Variants in OR7D4 observed in about 807,000 individuals in gnomAD.
OR7D4 encodes the protein olfactory receptor 7D4.
For missense variants in OR7D4, 319 were observed against 377.1 expected, an observed-to-expected ratio of 0.85 and a Z score of 1.27; for synonymous variants, 154 against 158.4, an observed-to-expected ratio of 0.97 and a Z score of 0.21.
intron 1 of OR7D4, 40 bp from the exon 2 acceptor site, chr19:9,214,890 C>T: frequency 9.6e-7 from 1 of 1,036,414 alleles, no homozygotes; most frequent in Non-Finnish European, 1.4e-6. Context: ...TAATGAACAG[C>T]AAGTGGCAGC....
intron 1 of OR7D4, among the ~76,000 whole-genome samples, chr19:9,217,279 A>G (rs997621767): frequency 6.6e-6 from 1 of 152,238 alleles, no homozygotes; most frequent in Admixed American, 6.5e-5. Flanking sequence ...AATGTGACTG[A>G]TAAGTTTGAT....
In OR7D4 at chr19:9,211,089, G is replaced by C. The variant is rs538848381; in HGVS notation, c.*2810C>G. Reference sequence around the variant, plus strand: ...TTAGAGACCCATGTCCTGGTAGAAGGATAGGCCTGGCCTCTGTTGCTCTGT... The same window carrying C: ...TTAGAGACCCATGTCCTGGTAGAAGCATAGGCCTGGCCTCTGTTGCTCTGT... On this transcript the variant is annotated 3_prime_UTR_variant, in exon 2 of 2. Transcript: ENST00000641669. 6.6e-6 allele frequency: 1 copy of C among 152,300 alleles called. No homozygotes were observed. The highest frequency in any genetic ancestry group is 2.4e-5 in the African/African-American group (1 of 41,466). 9.4% of individuals were successfully genotyped at this position (152,300 alleles called of 1,614,324 possible). A position where few individuals can be genotyped will look rare whatever the true frequency, so the allele number is the denominator to read the frequency against.
rs1416200642 is a variant in OR7D4 at position 9,211,533 on chromosome 19, A to T, written c.*2366T>A. ...AAAATAGAAAGTCCTCCTTAGAAAC[A>T]TAAATCTGAACTTCAAGAATGAAAG... On this transcript the variant is annotated 3_prime_UTR_variant, in exon 2 of 2. Coordinates refer to ENST00000641669, the MANE Select transcript of OR7D4 (RefSeq NM_001005191.3). The T allele has an allele frequency of 6.6e-6, 1 of 152,202 alleles. No homozygotes were observed. The highest frequency in any genetic ancestry group is 1.9e-4 in the East Asian group (1 of 5,186). 9.4% of individuals were successfully genotyped at this position (152,202 alleles called of 1,614,324 possible).
At chr19:9,218,660 C>T (rs1345225822) in intron 1 of OR7D4, among the ~76,000 whole-genome samples, 1 of 152,012 alleles carries the variant, frequency 6.6e-6, no homozygotes, top group African/African-American at 2.4e-5. Context: ...GACATGGTGT[C>T]ACTTTGTCAC....
In OR7D4 at chr19:9,214,687, A is replaced by G; in HGVS notation, c.151T>C (p.Ser51Pro). The G allele has an allele frequency of 1.2e-6, 2 of 1,614,108 alleles. No individual in the cohort carries two copies. Among genetic ancestry groups the G allele is most frequent in the Non-Finnish European group, 1.7e-6 (2 of 1,180,012 alleles). Residue 51 changes from serine to proline, a missense_variant, in exon 2 of 2, where the codon TCT becomes CCT. By Grantham distance (74) the Ser-to-Pro change is moderately conservative. Transcript: ENST00000641669. ...ATGGGGGTGTGGAGGTGGGAGTCAGAGCTGACGGCCAGAATGATGAGCAGG... is the reference window on the plus strand; with the variant it reads ...ATGGGGGTGTGGAGGTGGGAGTCAGGGCTGACGGCCAGAATGATGAGCAGG... Reference protein sequence around the residue: ...GNLLIILAVSSDSHLHTPMYF... With the variant: ...GNLLIILAVSPDSHLHTPMYF...
In OR7D4 at chr19:9,211,660, T is replaced by A. The variant is rs1340988247; in HGVS notation, c.*2239A>T. ...GAGTTTGAGACCAGCCTGGCCAGCA[T>A]GGTGAAACCCCATCTCTACTAAAAA... On this transcript the variant is annotated 3_prime_UTR_variant, in exon 2 of 2. Transcript: ENST00000641669. 1 of 151,000 alleles carries A rather than the reference T, an allele frequency of 6.6e-6. No individual in the cohort carries two copies. The highest frequency in any genetic ancestry group is 2.0e-4 in the East Asian group (1 of 5,084). The allele number at this position is 151,000 out of a possible 1,614,324, so 9.4% of individuals were successfully genotyped here. A position where few individuals can be genotyped will look rare whatever the true frequency, so the allele number is the denominator to read the frequency against.
Position 9,210,430 on chromosome 19 carries a change from G to T in OR7D4, c.*3469C>A, listed in dbSNP as rs182553389. 209 of 152,382 alleles carry T rather than the reference G, an allele frequency of 1.4e-3. 1 individual carries two copies. Among genetic ancestry groups the T allele is most frequent in the Admixed American group, 2.8e-3 (42 of 15,252 alleles). The allele number at this position is 152,382 out of a possible 1,614,324, so 9.4% of individuals were successfully genotyped here. A position where few individuals can be genotyped will look rare whatever the true frequency, so the allele number is the denominator to read the frequency against. On this transcript the variant is annotated 3_prime_UTR_variant, in exon 2 of 2. Transcript: ENST00000641669. The stretch of plus-strand genomic sequence containing the variant: ...AAGACCAGCCTGGGCAACATAGCAA[G>T]ACTCCATCTCTACAAAAAAATAAAA...
chr19:9,216,138 C>T (rs1478977234), intron 1 of OR7D4, among the ~76,000 whole-genome samples: 1 of 152,160 alleles, frequency 6.6e-6, no homozygotes, highest in African/African-American at 2.4e-5. Context: ...GATTCAATTT[C>T]CTCCCACTGG....
At chr19:9,216,803 G>A (rs1369153159) in intron 1 of OR7D4, among the ~76,000 whole-genome samples, 1 of 152,158 alleles carries the variant, frequency 6.6e-6, no homozygotes, top group East Asian at 1.9e-4. Flanking sequence ...TGTTGGCCAG[G>A]TTGGTTTTGA....
rs138279050 is a variant in OR7D4 at position 9,213,913 on chromosome 19, C to T, written c.925G>A (p.Asp309Asn). ...GALERLLSRA[D>N]SCP ...GCCCTGATTTGTCATGGACAAGAGTCGGCCCTGCTGAGGAGTCTTTCCAGG... is the reference window on the plus strand; with the variant it reads ...GCCCTGATTTGTCATGGACAAGAGTTGGCCCTGCTGAGGAGTCTTTCCAGG... The change falls in exon 2 of 2, where the codon GAC (aspartate) becomes AAC (asparagine). Residue 309 changes from aspartate (D) to asparagine (N), a missense_variant. Asp to Asn is a conservative substitution (Grantham distance 23). Coordinates refer to ENST00000641669, the MANE Select transcript of OR7D4 (RefSeq NM_001005191.3). 70 of 1,613,270 alleles carry T rather than the reference C, an allele frequency of 4.3e-5. No individual in the cohort carries two copies. Among genetic ancestry groups the T allele is most frequent in the Non-Finnish European group, 5.3e-5 (63 of 1,179,418 alleles).
Position 9,214,700 on chromosome 19 carries a change from A to G in OR7D4, c.138T>C (p.Ile46=), listed in dbSNP as rs768132858. 17 of 1,614,110 alleles carry G rather than the reference A, an allele frequency of 1.1e-5. No individual in the cohort carries two copies. The highest frequency in any genetic ancestry group is 1.2e-5 in the Non-Finnish European group (14 of 1,180,012). ...GGTGGGAGTCAGAGCTGACGGCCAG[A>G]ATGATGAGCAGGTTCCCCAGCACCG... is the stretch of plus-strand genomic sequence containing the variant. ...LVTVLGNLLI[I]LAVSSDSHLH... The change falls in exon 2 of 2, where the codon ATT becomes ATC. Residue 46 remains isoleucine (I), a synonymous_variant. Coordinates refer to ENST00000641669, the MANE Select transcript of OR7D4 (RefSeq NM_001005191.3).
intron 1 of OR7D4, among the ~76,000 whole-genome samples, chr19:9,218,880 C>T (rs1367075011): frequency 2.6e-5 from 4 of 152,060 alleles, no homozygotes; most frequent in Non-Finnish European, 4.4e-5. Context: ...GTGATCTGCC[C>T]GCCTCGGCCT....
rs1161396199 is a variant in OR7D4 at position 9,213,998 on chromosome 19, C to T, written c.840G>A (p.Met280Ile). The change falls in exon 2 of 2, where the codon ATG (methionine) becomes ATA (isoleucine). Residue 280 changes from methionine to isoleucine, a missense_variant. Met to Ile is a conservative substitution (Grantham distance 10). Transcript: ENST00000641669. Reference protein sequence around the residue: ...SSSTASVMYAMVTPMLNPFIY... With the variant: ...SSSTASVMYAIVTPMLNPFIY... ...TGAAGGGGTTCAGCATGGGGGTGAC[C>T]ATGGCGTACATCACTGAGGCGGTGG... 6.2e-7 allele frequency: 1 copy of T among 1,613,948 alleles called. No homozygotes were observed. The highest frequency in any genetic ancestry group is 1.3e-5 in the African/African-American group (1 of 74,882).
chr19:9,217,211 G>A (rs2051220991), intron 1 of OR7D4, among the ~76,000 whole-genome samples: 1 of 152,288 alleles, frequency 6.6e-6, no homozygotes, highest in Non-Finnish European at 1.5e-5. Flanking sequence ...GTGTGCTTGT[G>A]TACACATGCA....
rs373618218 is a variant in OR7D4 at position 9,214,018 on chromosome 19, C to T, written c.820G>A (p.Ala274Thr). 2.1e-5 allele frequency: 34 copies of T among 1,613,858 alleles called. No individual in the cohort carries two copies. Among genetic ancestry groups the T allele is most frequent in the African/African-American group, 4.0e-5 (3 of 74,866 alleles). ...GTGACCATGGCGTACATCACTGAGGCGGTGGAGCTGCTCTGGGAAGAATGG... is the reference window on the plus strand; with the variant it reads ...GTGACCATGGCGTACATCACTGAGGTGGTGGAGCTGCTCTGGGAAGAATGG... ...VTHSSQSSST[A>T]SVMYAMVTPM... Residue 274 changes from alanine (A) to threonine (T), a missense_variant, in exon 2 of 2, where the codon GCC becomes ACC. Ala to Thr is a moderately conservative substitution (Grantham distance 58). Transcript: ENST00000641669.
At chr19:9,217,765 C>T (rs543512886) in intron 1 of OR7D4, among the ~76,000 whole-genome samples, 2 of 152,264 alleles carry the variant, frequency 1.3e-5, no homozygotes, top group South Asian at 2.1e-4. Context: ...TCTCGAACTA[C>T]TGACCTCAAG....
intron 1 of OR7D4, 105 bp from the exon 2 acceptor site, chr19:9,214,955 C>T: frequency 1.6e-6 from 1 of 627,060 alleles, no homozygotes; most frequent in South Asian, 2.0e-5. Flanking sequence ...GTCACCCTTC[C>T]TGGAGTCCTT....
chr19:9,212,923 T>G lies in OR7D4; in HGVS notation c.*976A>C, dbSNP rs1052352267. On this transcript the variant is annotated 3_prime_UTR_variant, in exon 2 of 2. Transcript: ENST00000641669. Reference sequence around the variant, plus strand: ...GTGAGCCACTGTGCCCCGAAAATTTTATATCACTGTTTTTATGGAAAGTAG... The same window carrying G: ...GTGAGCCACTGTGCCCCGAAAATTTGATATCACTGTTTTTATGGAAAGTAG... The G allele has an allele frequency of 8.5e-5, 13 of 152,164 alleles. No homozygotes were observed. The highest frequency in any genetic ancestry group is 1.6e-4 in the Non-Finnish European group (11 of 68,036). 9.4% of individuals were successfully genotyped at this position (152,164 alleles called of 1,614,324 possible). A position where few individuals can be genotyped will look rare whatever the true frequency, so the allele number is the denominator to read the frequency against.
Position 9,210,709 on chromosome 19 carries a change from A to ACACACACAACACACAC in OR7D4, c.*3189_*3190insGTGTGTGTTGTGTGTG, listed in dbSNP as rs2051168070. 9.4e-6 allele frequency: 1 copy of ACACACACAACACACAC among 106,452 alleles called. No individual in the cohort carries two copies. The highest frequency in any genetic ancestry group is 2.9e-4 in the East Asian group (1 of 3,484). The allele number at this position is 106,452 out of a possible 1,614,324, so 6.6% of individuals were successfully genotyped here. ...TCTCACACACACACACACACACACA[A>ACACACACAACACACAC]CACACACAACACAGAGTCTACACTA... is the stretch of plus-strand genomic sequence containing the variant. On this transcript the variant is annotated 3_prime_UTR_variant, in exon 2 of 2. Coordinates refer to ENST00000641669, the MANE Select transcript of OR7D4 (RefSeq NM_001005191.3).
Sources: allele counts gnomAD v4.1 joint callset (sites outside exome capture counted in the v4.1 genomes callset), GRCh38; gene constraint gnomAD v4.1.1; transcripts MANE v1.5; gene names NCBI Gene and HGNC (gene_info 2026-07-23, HGNC 2026-07-21).